Variants in GLIS3 observed in about 807,000 individuals in gnomAD.
The protein encoded by GLIS3 is GLIS family zinc finger 3.
GLIS3 carries 53 observed loss-of-function variants against 78.6 expected under a neutral mutation model. The observed-to-expected ratio is 0.67, with a 90% CI of 0.54 to 0.85. The LOEUF is 0.85. Among genes scored for constraint, GLIS3 ranks in the 40% least tolerant of loss-of-function variants. GLIS3 has a pLI of 0.00. For missense variants in GLIS3, 1,703 were observed against 1,231.1 expected, an observed-to-expected ratio of 1.38 and a Z score of -5.74; for synonymous variants, 684 against 509.9, an observed-to-expected ratio of 1.34 and a Z score of -4.60.
chr9:4,417,705 AG>A, the GLIS3 span, among the ~76,000 whole-genome samples: 1 of 152,192 alleles, frequency 6.6e-6, no homozygotes, highest in African/African-American at 2.4e-5. Flanking sequence ...GTCCTCAAAA[AG>A]GTCATCTAAT....
At chr9:4,031,415 T>C (rs551815565) in intron 4 of GLIS3, among the ~76,000 whole-genome samples, 39 of 152,212 alleles carry the variant, frequency 2.6e-4, no homozygotes, top group Non-Finnish European at 4.3e-4. Flanking sequence ...ATTCCATTTA[T>C]GTGAAATGCC....
At chr9:4,328,472 T>C (rs1320045231) in intron 2 of GLIS3, among the ~76,000 whole-genome samples, 1 of 152,152 alleles carries the variant, frequency 6.6e-6, no homozygotes, top group Non-Finnish European at 1.5e-5. Flanking sequence ...TTTTCACCAG[T>C]GTGTACAGGT....
intron 2 of GLIS3, among the ~76,000 whole-genome samples, chr9:4,249,642 C>A (rs1341823274): frequency 6.6e-6 from 1 of 152,216 alleles, no homozygotes; most frequent in Non-Finnish European, 1.5e-5. Context: ...CTGGCCAGAA[C>A]TTCCAATACT....
the GLIS3 span, among the ~76,000 whole-genome samples, chr9:4,462,022 G>A: frequency 2.9e-3 from 435 of 152,284 alleles, no homozygotes; most frequent in African/African-American, 9.4e-3. Context: ...ACAGTTCAAA[G>A]GAATGGGAAT....
At chr9:4,373,092 CTT>C in the GLIS3 span, among the ~76,000 whole-genome samples, 3 of 152,216 alleles carry the variant, frequency 2.0e-5, no homozygotes, top group East Asian at 5.8e-4. Flanking sequence ...AGAAAAGTGG[CTT>C]CCCTGTTTCC....
intron 4 of GLIS3, among the ~76,000 whole-genome samples, chr9:4,029,057 A>G (rs1823590461): frequency 6.6e-6 from 1 of 152,174 alleles, no homozygotes; most frequent in African/African-American, 2.4e-5. Flanking sequence ...TAGAAAGAAG[A>G]AAAAAAGATC....
At chr9:4,018,838 C>A (rs1341219182) in intron 4 of GLIS3, among the ~76,000 whole-genome samples, 1 of 152,148 alleles carries the variant, frequency 6.6e-6, no homozygotes, top group Non-Finnish European at 1.5e-5. Flanking sequence ...CTAATGAGAC[C>A]AGTTTTCCCT....
intron 4 of GLIS3, among the ~76,000 whole-genome samples, chr9:4,023,186 G>A (rs1211317951): frequency 6.6e-6 from 1 of 152,110 alleles, no homozygotes; most frequent in Non-Finnish European, 1.5e-5. Context: ...TAAGTGGCCA[G>A]TCCTTACCCA....
the GLIS3 span, among the ~76,000 whole-genome samples, chr9:4,413,864 T>A: frequency 6.6e-6 from 1 of 152,118 alleles, no homozygotes; most frequent in Non-Finnish European, 1.5e-5. Flanking sequence ...AACCAAAAAC[T>A]TGGATTTTGC....
Position 4,050,848 on chromosome 9 carries a change from C to T in GLIS3, c.1710+66920G>A, listed in dbSNP as rs10974301. 3.1e-3 allele frequency among the ~76,000 whole-genome samples: 467 copies of T among 152,092 alleles called. 5 individuals carry two copies. Among genetic ancestry groups the T allele is most frequent in the African/African-American group, 0.011 (448 of 41,508 alleles). ...CCTCCCCATCAGAGATGGGCCTCCA[C>T]GTAAGAGGAGATAAAAAGTGTAAGC... On this transcript the variant is annotated intron_variant, in intron 4 of 10. Coordinates refer to ENST00000381971, the MANE Select transcript of GLIS3 (RefSeq NM_001042413.2).
At chr9:4,055,844 T>C (rs2130514195) in intron 4 of GLIS3, among the ~76,000 whole-genome samples, 1 of 152,360 alleles carries the variant, frequency 6.6e-6, no homozygotes, top group South Asian at 2.1e-4. Context: ...AGAACAGGAC[T>C]CCTCTTCCTT....
chr9:3,971,728 T>C (rs1166782116), intron 4 of GLIS3, among the ~76,000 whole-genome samples: 7 of 152,210 alleles, frequency 4.6e-5, no homozygotes, highest in Admixed American at 4.6e-4. Flanking sequence ...CCTCTAATAA[T>C]AGTTCTTTGA....
intron 2 of GLIS3, among the ~76,000 whole-genome samples, chr9:4,334,713 C>T (rs933869456): frequency 6.6e-6 from 1 of 152,160 alleles, no homozygotes; most frequent in Non-Finnish European, 1.5e-5. Flanking sequence ...CACTACTGCC[C>T]TTATGAGTCA....
At chr9:4,415,853 C>G in the GLIS3 span, among the ~76,000 whole-genome samples, 1 of 151,730 alleles carries the variant, frequency 6.6e-6, no homozygotes, top group African/African-American at 2.4e-5. Flanking sequence ...ACTAATGGAA[C>G]AGTCAAACAG....
intron 2 of GLIS3, among the ~76,000 whole-genome samples, chr9:4,159,635 C>A (rs1357774641): frequency 6.6e-6 from 1 of 152,002 alleles, no homozygotes; most frequent in Non-Finnish European, 1.5e-5. Flanking sequence ...AGGGAAATTG[C>A]TTGAATCCGG....
intron 4 of GLIS3, among the ~76,000 whole-genome samples, chr9:4,024,385 A>AT (rs961413813): frequency 1.3e-5 from 2 of 152,032 alleles, no homozygotes; most frequent in South Asian, 2.1e-4. Context: ...AGAATTTATT[A>AT]TTTTTTTTCT....
the GLIS3 span, among the ~76,000 whole-genome samples, chr9:4,382,203 C>T: frequency 6.6e-6 from 1 of 152,132 alleles, no homozygotes; most frequent in Non-Finnish European, 1.5e-5. Flanking sequence ...TGGCCAGATG[C>T]TGAATGACAC....
At chr9:4,483,177 T>C in the GLIS3 span, among the ~76,000 whole-genome samples, 9 of 150,980 alleles carry the variant, frequency 6.0e-5, no homozygotes, top group African/African-American at 2.2e-4. Context: ...CCCAAAGTGA[T>C]GCTTCATATA....
chr9:4,270,133 T>C (rs1466380306), intron 2 of GLIS3, among the ~76,000 whole-genome samples: 2 of 152,172 alleles, frequency 1.3e-5, no homozygotes, highest in East Asian at 3.8e-4. Flanking sequence ...TTTCCACATT[T>C]CTAAAATGGA....
Sources: allele counts gnomAD v4.1 joint callset (sites outside exome capture counted in the v4.1 genomes callset), GRCh38; gene constraint gnomAD v4.1.1; transcripts MANE v1.5; gene names NCBI Gene and HGNC (gene_info 2026-07-23, HGNC 2026-07-21).